IGSF10: variants seen among roughly 807,000 people sequenced by gnomAD.
IGSF10 encodes the protein immunoglobulin superfamily member 10, also known as calvaria mechanical force protein 608.
Under a neutral mutation model 128.2 loss-of-function variants are expected in IGSF10, and 126 were observed. That is an observed-to-expected ratio of 0.98 (90% CI 0.85 to 1.14). The LOEUF (loss-of-function observed/expected upper bound fraction) is 1.14. Among genes scored for constraint, IGSF10 ranks in the 50% most tolerant of loss-of-function variants. The probability of loss-of-function intolerance (pLI) is 0.00; values close to 1 mark genes in which losing one functional copy is unlikely to be tolerated. For synonymous variants in IGSF10, 1,185 were observed against 1,146.2 expected (o/e 1.03, Z -0.68); for missense variants, 3,295 against 3,149.8 (o/e 1.05, Z -1.10).
the IGSF10 span, among the ~76,000 whole-genome samples, chr3:151,606,289 T>G: frequency 6.5e-3 from 992 of 152,314 alleles, 11 homozygotes; most frequent in South Asian, 0.014. Context: ...GGCCAGGAAC[T>G]CCTAATTAAT....
At chr3:151,477,082 A>C in the IGSF10 span, among the ~76,000 whole-genome samples, 1 of 152,212 alleles carries the variant, frequency 6.6e-6, no homozygotes, top group Non-Finnish European at 1.5e-5. Context: ...GTTGGTTGTA[A>C]GAATTTTGAA....
intron 3 of IGSF10, 23 bp from the exon 4 acceptor site, chr3:151,457,178 A>T: frequency 6.2e-7 from 1 of 1,612,296 alleles, no homozygotes. Flanking sequence ...ATGACATTCT[A>T]GGCATAAGCT....
In IGSF10 at chr3:151,437,031, A is replaced by AT. The variant is rs764467740; in HGVS notation, c.7529dup (p.Asn2510LysfsTer2). 6.2e-7 allele frequency: 1 copy of AT among 1,614,212 alleles called. No homozygotes were observed. Among genetic ancestry groups the AT allele is most frequent in the East Asian group, 2.2e-5 (1 of 44,886 alleles). ...CAGTAATCAGTGTATGACCAACACT[A>AT]TTTTGAGCCTTACAGATATAGTTTC... On this transcript the variant is annotated frameshift_variant, in exon 8 of 8. Transcript: ENST00000282466. LOFTEE classifies it low-confidence loss of function (END_TRUNC).
At chr3:151,599,057 A>C in the IGSF10 span, among the ~76,000 whole-genome samples, 1 of 152,136 alleles carries the variant, frequency 6.6e-6, no homozygotes, top group Non-Finnish European at 1.5e-5. Flanking sequence ...TTCCATGTGG[A>C]TAGGGTGTGT....
the IGSF10 span, among the ~76,000 whole-genome samples, chr3:151,550,933 G>A: frequency 0.015 from 2,291 of 152,194 alleles, 47 homozygotes; most frequent in African/African-American, 0.052. Flanking sequence ...TGCTCCCTTG[G>A]TGCTGTCATT....
the IGSF10 span, among the ~76,000 whole-genome samples, chr3:151,544,144 A>G: frequency 6.6e-6 from 1 of 152,152 alleles, no homozygotes; most frequent in African/African-American, 2.4e-5. Flanking sequence ...CCTGACCTCA[A>G]GTGATCCACC....
At chr3:151,593,798 C>T in the IGSF10 span, among the ~76,000 whole-genome samples, 2 of 151,938 alleles carry the variant, frequency 1.3e-5, no homozygotes, top group African/African-American at 4.8e-5. Context: ...ACAGAAAAGG[C>T]AACTCAAAAT....
chr3:151,526,040 G>T, the IGSF10 span, among the ~76,000 whole-genome samples: 1 of 152,160 alleles, frequency 6.6e-6, no homozygotes, highest in Non-Finnish European at 1.5e-5. Context: ...TTAACTTCTT[G>T]TTGCTCCAAG....
chr3:151,485,742 A>G, the IGSF10 span, among the ~76,000 whole-genome samples: 1 of 152,204 alleles, frequency 6.6e-6, no homozygotes. Flanking sequence ...TTCACAGACA[A>G]GCAAATGCTG....
chr3:151,546,607 T>C, the IGSF10 span, among the ~76,000 whole-genome samples: 57 of 152,070 alleles, frequency 3.7e-4, no homozygotes, highest in African/African-American at 1.3e-3. Flanking sequence ...CTCCTTGGCT[T>C]CCCAAAGTAA....
In IGSF10 at chr3:151,453,792, G is replaced by A; in HGVS notation, c.325-18C>T. 3 of 1,411,938 alleles carry A rather than the reference G, an allele frequency of 2.1e-6. No individual in the cohort carries two copies. Among genetic ancestry groups the A allele is most frequent in the South Asian group, 1.4e-5 (1 of 70,580 alleles). 87.5% of individuals were successfully genotyped at this position (1,411,938 alleles called of 1,614,324 possible). On this transcript the variant is annotated intron_variant, in intron 4 of 7. Transcript: ENST00000282466. The stretch of plus-strand genomic sequence containing the variant: ...TTTAAGACCTATGAATTAAAAAAAA[G>A]AACATATTTATGTTGTCAAAGGAAT...
At chr3:151,442,853 T>C (rs1482631004) in intron 7 of IGSF10, 131 bp downstream of exon 7, 10 of 642,146 alleles carry the variant, frequency 1.6e-5, no homozygotes, top group Non-Finnish European at 2.4e-5. Flanking sequence ...TTTGAGAGAG[T>C]TTCCTTTATG....
chr3:151,548,788 A>G, the IGSF10 span, among the ~76,000 whole-genome samples: 1 of 151,560 alleles, frequency 6.6e-6, no homozygotes, highest in Admixed American at 6.6e-5. Context: ...GACCTCTTGG[A>G]CTAATAATCT....
chr3:151,508,508 T>C, the IGSF10 span, among the ~76,000 whole-genome samples: 1 of 152,112 alleles, frequency 6.6e-6, no homozygotes, highest in Non-Finnish European at 1.5e-5. Context: ...TTTTGATTGT[T>C]TGGGAAACTG....
the IGSF10 span, among the ~76,000 whole-genome samples, chr3:151,511,571 C>T: frequency 6.6e-6 from 1 of 152,068 alleles, no homozygotes; most frequent in African/African-American, 2.4e-5. Flanking sequence ...TGAGCAAAAT[C>T]ACCAGCTAAC....
the IGSF10 span, among the ~76,000 whole-genome samples, chr3:151,579,392 T>G: frequency 6.6e-6 from 1 of 152,114 alleles, no homozygotes; most frequent in Non-Finnish European, 1.5e-5. Flanking sequence ...CATTAGAGCC[T>G]TCAGGTAGAG....
At chr3:151,442,030 C>T (rs1180922421) in intron 7 of IGSF10, among the ~76,000 whole-genome samples, 1 of 152,198 alleles carries the variant, frequency 6.6e-6, no homozygotes, top group East Asian at 1.9e-4. Flanking sequence ...CACTGCACTC[C>T]AGCCTGGGCG....
At chr3:151,453,875 G>A in intron 4 of IGSF10, 101 bp from the exon 5 acceptor site, 1 of 685,682 alleles carries the variant, frequency 1.5e-6, no homozygotes, top group Non-Finnish European at 2.4e-6. Flanking sequence ...TTAATTCAGT[G>A]CAATTTATAT....
At chr3:151,583,647 G>A in the IGSF10 span, among the ~76,000 whole-genome samples, 1 of 152,274 alleles carries the variant, frequency 6.6e-6, no homozygotes, top group Non-Finnish European at 1.5e-5. Context: ...AATAGGTGCA[G>A]CACACTAACA....
Sources: allele counts gnomAD v4.1 joint callset (sites outside exome capture counted in the v4.1 genomes callset), GRCh38; gene constraint gnomAD v4.1.1; transcripts MANE v1.5; gene names NCBI Gene and HGNC (gene_info 2026-07-23, HGNC 2026-07-21).